The following HDGFL2 variants were observed in gnomAD, a reference collection of about 807,000 sequenced individuals.
The protein encoded by HDGFL2 is HDGF like 2.
A neutral mutation model predicts 77.1 loss-of-function variants in HDGFL2; 36 were observed. The ratio of observed to expected loss-of-function variants is 0.47; its 90% confidence interval spans 0.36 to 0.62. The LOEUF (loss-of-function observed/expected upper bound fraction) is 0.62, where lower values mean the gene tolerates loss of function less well. Among genes scored for constraint, HDGFL2 ranks in the 20% least tolerant of loss-of-function variants. The probability of loss-of-function intolerance (pLI) is 0.00; values close to 1 mark genes in which losing one functional copy is unlikely to be tolerated. For synonymous variants in HDGFL2, 463 were observed against 413.1 expected (o/e 1.12, Z -1.46); for missense variants, 976 against 973.4 (o/e 1.00, Z -0.04).
chr19:4,497,318 C>G, intron 10 of HDGFL2: 1 of 366,856 alleles, frequency 2.7e-6, no homozygotes. Flanking sequence ...CTAGCTCAGC[C>G]TCCAAAGTAG....
rs2145182884 is a variant in HDGFL2, at chr19:4,487,783, T to G, written c.289-893T>G. 1.3e-5 allele frequency among the ~76,000 whole-genome samples: 2 copies of G among 152,272 alleles called. 1 individual carries two copies. Among genetic ancestry groups the G allele is most frequent in the South Asian group, 4.1e-4 (2 of 4,828 alleles). Reference sequence around the variant, plus strand: ...TGGCTCAGTGTGTGACCCGGTCACGTGCCTGGCACATAAGAAGCATCAGAT... The same window carrying G: ...TGGCTCAGTGTGTGACCCGGTCACGGGCCTGGCACATAAGAAGCATCAGAT... On this transcript the variant is annotated intron_variant, in intron 3 of 15. Coordinates refer to ENST00000616600, the MANE Select transcript of HDGFL2 (RefSeq NM_001001520.3).
intron 11 of HDGFL2, 99 bp downstream of exon 11, chr19:4,498,130 G>T (rs1975757727): frequency 2.4e-6 from 3 of 1,258,086 alleles, no homozygotes; most frequent in African/African-American, 1.5e-5. Context: ...CCTAGAGAGG[G>T]TGCTCAGCAC....
intron 3 of HDGFL2, among the ~76,000 whole-genome samples, chr19:4,479,979 G>A (rs1273598360): frequency 6.6e-6 from 1 of 151,526 alleles, no homozygotes; most frequent in East Asian, 1.9e-4. Context: ...TGTAGACCCA[G>A]GCCACGGTTT....
intron 3 of HDGFL2, among the ~76,000 whole-genome samples, chr19:4,480,899 C>T (rs574399670): frequency 1.3e-4 from 19 of 151,674 alleles, no homozygotes; most frequent in South Asian, 4.2e-4. Flanking sequence ...CTCTGTTGCC[C>T]AGGCTGGAGT....
In HDGFL2 at chr19:4,498,013, A is replaced by G; in HGVS notation, c.1384A>G (p.Lys462Glu). Residue 462 changes from lysine (K) to glutamate (E), a missense_variant, in exon 11 of 16, where the codon AAG (lysine) becomes GAG (glutamate). Lys to Glu is a moderately conservative substitution (Grantham distance 56). Transcript: ENST00000616600. ...KRSEGFSMDR[K>E]VEKKKEPSVE... ...GTCCGAGGGCTTCTCGATGGACAGGAAGGTAGAGAAGAAGAAAGGTGAGGC... is the reference window on the plus strand; with the variant it reads ...GTCCGAGGGCTTCTCGATGGACAGGGAGGTAGAGAAGAAGAAAGGTGAGGC... The G allele has an allele frequency of 1.9e-6, 3 of 1,555,982 alleles. No individual in the cohort carries two copies. Among genetic ancestry groups the G allele is most frequent in the Non-Finnish European group, 2.6e-6 (3 of 1,149,388 alleles).
rs34398630 is a variant in HDGFL2 at position 4,482,026 on chromosome 19, C to CTTTTTTT, written c.288+6461_288+6467dup. On this transcript the variant is annotated intron_variant, in intron 3 of 15. Transcript: ENST00000616600. ...GGACTGGAAGTTGGCTGGCTTTGGC[C>CTTTTTTT]TTTTTTTTTTTTTTTTTTTTTTTTG... 1.3e-3 allele frequency among the ~76,000 whole-genome samples: 94 copies of CTTTTTTT among 71,656 alleles called. 1 individual carries two copies. The highest frequency in any genetic ancestry group is 1.7e-3 in the African/African-American group (28 of 16,554). 47.0% of individuals were successfully genotyped at this position (71,656 alleles called of 152,430 possible). A position where few individuals can be genotyped will look rare whatever the true frequency, so the allele number is the denominator to read the frequency against.
At chr19:4,498,070 A>T in intron 11 of HDGFL2, 39 bp downstream of exon 11, 1 of 1,513,174 alleles carries the variant, frequency 6.6e-7, no homozygotes, top group Non-Finnish European at 9.0e-7. Flanking sequence ...CACTGAGTTC[A>T]CTGAGGGGAA....
In HDGFL2 at chr19:4,494,278, C is replaced by G. The variant is rs934212134; in HGVS notation, c.1027C>G (p.Arg343Gly). 6.9e-7 allele frequency: 1 copy of G among 1,450,642 alleles called. No homozygotes were observed. Among genetic ancestry groups the G allele is most frequent in the Non-Finnish European group, 9.0e-7 (1 of 1,105,824 alleles). 89.9% of individuals were successfully genotyped at this position (1,450,642 alleles called of 1,614,324 possible). A position where few individuals can be genotyped will look rare whatever the true frequency, so the allele number is the denominator to read the frequency against. ...REQEEELRRLREQEKEEKERR... is the reference protein window; with the variant it reads ...REQEEELRRLGEQEKEEKERR... ...GCAGGAGGAGGAGCTGCGGCGCCTGCGGGAGCAGGAGAAGGAGGAGAAGGA... is the reference window on the plus strand; with the variant it reads ...GCAGGAGGAGGAGCTGCGGCGCCTGGGGGAGCAGGAGAAGGAGGAGAAGGA... Residue 343 changes from arginine (R) to glycine (G), a missense_variant, in exon 9 of 16, where the codon CGG becomes GGG. Transcript: ENST00000616600.
At chr19:4,485,964 G>A (rs546250308) in intron 3 of HDGFL2, among the ~76,000 whole-genome samples, 1 of 144,328 alleles carries the variant, frequency 6.9e-6, no homozygotes, top group African/African-American at 2.6e-5. Context: ...GAGGTGGGAG[G>A]ATCACCTGAG....
chr19:4,480,806 T>C (rs1484932646), intron 3 of HDGFL2, among the ~76,000 whole-genome samples: 1 of 152,150 alleles, frequency 6.6e-6, no homozygotes, highest in Non-Finnish European at 1.5e-5. Flanking sequence ...GTGCTCACTG[T>C]GAATCTTGAC....
Position 4,472,358 on chromosome 19 carries a change from A to G in HDGFL2, c.8A>G (p.His3Arg). 1.4e-6 allele frequency: 2 copies of G among 1,455,544 alleles called. No individual in the cohort carries two copies. Among genetic ancestry groups the G allele is most frequent in the Non-Finnish European group, 1.8e-6 (2 of 1,095,332 alleles). 90.2% of individuals were successfully genotyped at this position (1,455,544 alleles called of 1,614,324 possible). Residue 3 changes from histidine (H) to arginine (R), a missense_variant, in exon 1 of 16, where the codon CAC becomes CGC. His to Arg is a conservative substitution (Grantham distance 29). Coordinates refer to ENST00000616600, the MANE Select transcript of HDGFL2 (RefSeq NM_001001520.3). Reference sequence around the variant, plus strand: ...GGGCCTCTCGCCGTCAGCATGCCACACGCCTTCAAGCCCGGGGACTTGGTG... The same window carrying G: ...GGGCCTCTCGCCGTCAGCATGCCACGCGCCTTCAAGCCCGGGGACTTGGTG... MP[H>R]AFKPGDLVFA...
At chr19:4,493,192 TTGTCTG>T (rs1485202191) in intron 6 of HDGFL2, among the ~76,000 whole-genome samples, 1 of 129,278 alleles carries the variant, frequency 7.7e-6, no homozygotes. Flanking sequence ...GGTGTGTGTG[TTGTCTG>T]TGTCTGTGCG....
chr19:4,482,660 G>A lies in HDGFL2; in HGVS notation c.289-6016G>A, dbSNP rs140230395. Among the ~76,000 whole-genome samples the A allele has an allele frequency of 8.2e-3, 1,243 of 152,302 alleles. 10 individuals are homozygous for A. The highest frequency in any genetic ancestry group is 0.017 in the South Asian group (83 of 4,828). On this transcript the variant is annotated intron_variant, in intron 3 of 15. Transcript: ENST00000616600. ...CTAAAGGAAAGATTTTTAATGAGGA[G>A]TGGCTATGACCCAGGCTTCGAGGCC... is the stretch of plus-strand genomic sequence containing the variant.
intron 6 of HDGFL2, among the ~76,000 whole-genome samples, chr19:4,492,398 C>G (rs1466225125): frequency 6.6e-6 from 1 of 150,966 alleles, no homozygotes; most frequent in Non-Finnish European, 1.5e-5. Context: ...TGTGTGTGTG[C>G]TGTACCTCTC....
intron 3 of HDGFL2, among the ~76,000 whole-genome samples, chr19:4,479,136 T>C (rs1975147861): frequency 6.7e-6 from 1 of 150,230 alleles, no homozygotes. Context: ...GACCAGCCTG[T>C]TCAACATGGC....
chr19:4,493,223 G>GTGTGTGGTATC (rs999128701), intron 6 of HDGFL2, among the ~76,000 whole-genome samples: 1 of 132,786 alleles, frequency 7.5e-6, no homozygotes, highest in African/African-American at 3.0e-5. Context: ...GTGTGGTGTG[G>GTGTGTGGTATC]TGTGTGGTAT....
intron 6 of HDGFL2, among the ~76,000 whole-genome samples, chr19:4,492,321 G>A (rs193282150): frequency 9.8e-5 from 14 of 143,108 alleles, no homozygotes; most frequent in Admixed American, 5.1e-4. Flanking sequence ...TGTGTGTGTC[G>A]TGTGTGCACA....
At chr19:4,499,366 C>T in intron 13 of HDGFL2, 125 bp from the exon 14 acceptor site, 1 of 759,422 alleles carries the variant, frequency 1.3e-6, no homozygotes. Context: ...AAAGAAATGC[C>T]TGCTGCACAG....
Position 4,484,666 on chromosome 19 carries a change from A to AT in HDGFL2, c.289-3987dup, listed in dbSNP as rs71168907. On this transcript the variant is annotated intron_variant, in intron 3 of 15. Transcript: ENST00000616600. The stretch of plus-strand genomic sequence containing the variant: ...AGGCACCCGCCATCACGCCTGGCTA[A>AT]TTTTTTTTTTTTTTTTTTTTTTTGA... Among the ~76,000 whole-genome samples, 216 of 74,102 alleles carry AT rather than the reference A, an allele frequency of 2.9e-3. 3 individuals are homozygous for AT. Among genetic ancestry groups the AT allele is most frequent in the East Asian group, 7.2e-3 (20 of 2,764 alleles). The allele number at this position is 74,102 out of a possible 152,430, so 48.6% of individuals were successfully genotyped here.
Sources: gnomAD v4.1 joint callset for allele counts (sites outside exome capture counted in the v4.1 genomes callset) on GRCh38, gnomAD v4.1.1 for gene constraint, MANE v1.5 for transcripts, NCBI Gene and HGNC (gene_info 2026-07-23, HGNC 2026-07-21) for gene names.